The following COL9A2 variants were observed in gnomAD, a reference collection of about 807,000 sequenced individuals.
The protein encoded by COL9A2 is collagen type IX alpha 2 chain, also known as collagen alpha-2(IX) chain.
Under a neutral mutation model 111.6 loss-of-function variants are expected in COL9A2, and 66 were observed. That is an observed-to-expected ratio of 0.59 (90% CI 0.48 to 0.73). COL9A2 has a LOEUF of 0.73. COL9A2 is among the 30% of genes least tolerant of loss of function. The pLI is 0.00. For missense variants in COL9A2, 881 were observed against 954.1 expected (o/e 0.92, Z 1.01); for synonymous variants, 353 against 364.1 (o/e 0.97, Z 0.35).
Position 40,301,824 on chromosome 1 carries a change from G to A in COL9A2, c.1858C>T (p.Pro620Ser), listed in dbSNP as rs759578875. 47 of 1,613,974 alleles carry A rather than the reference G, an allele frequency of 2.9e-5. No homozygotes were observed. Among genetic ancestry groups the A allele is most frequent in the Non-Finnish European group, 3.6e-5 (43 of 1,179,984 alleles). ...GRGHPGMPGP[P>S]GIPGLPGRPG... The stretch of plus-strand genomic sequence containing the variant: ...GCCAATGGCTTACCTGGGATCCCTG[G>A]GGGCCCAGGCATCCCGGGGTGCCCC... Residue 620 changes from proline to serine, a missense_variant, in exon 31 of 32, where the codon CCA (proline) becomes TCA (serine). Transcript: ENST00000372748.
Position 40,304,892 on chromosome 1 carries a change from C to T in COL9A2, c.1108-45G>A, listed in dbSNP as rs371161703. 377 of 1,522,116 alleles carry T rather than the reference C, an allele frequency of 2.5e-4. 1 individual carries two copies. In the African/African-American group the frequency reaches 4.4e-3, roughly 18 times the overall value. The allele number at this position is 1,522,116 out of a possible 1,614,324, so 94.3% of individuals were successfully genotyped here. ...GGGCTAAGCGTTTGACCTGGTGGAA[C>T]CCACCCTTCCACACCTGGCCAGCCC... is the stretch of plus-strand genomic sequence containing the variant. On this transcript the variant is annotated intron_variant, in intron 21 of 31. Transcript: ENST00000372748.
Position 40,303,702 on chromosome 1 carries a change from G to A in COL9A2, c.1402-26C>T. The A allele has an allele frequency of 6.5e-7, 1 of 1,546,384 alleles. No homozygotes were observed. Among genetic ancestry groups the A allele is most frequent in the South Asian group, 1.2e-5 (1 of 84,026 alleles). The stretch of plus-strand genomic sequence containing the variant: ...CTGCGGGGGGATGGGGGTGGGAGCA[G>A]AGCCGGGTGAGAAGGCGCCCGGGTG... On this transcript the variant is annotated intron_variant, in intron 27 of 31. Coordinates refer to ENST00000372748, the MANE Select transcript of COL9A2 (RefSeq NM_001852.4). The surrounding 1 kb of genome is among the most constrained non-coding windows in gnomAD (Gnocchi z 4.6).
In COL9A2 at chr1:40,310,941, C is replaced by T. The variant is rs548326590; in HGVS notation, c.630+152G>A. ...CCAAGCAAGGAGACATGACCAGAGA[C>T]ATGCCGACCTGGAGCACAGGCCTCC... is the stretch of plus-strand genomic sequence containing the variant. On this transcript the variant is annotated intron_variant, in intron 12 of 31. Transcript: ENST00000372748. The surrounding 1 kb of genome is among the most constrained non-coding windows in gnomAD (Gnocchi z 4.9). 3.4e-5 allele frequency: 39 copies of T among 1,146,690 alleles called. No homozygotes were observed. In the African/African-American group the frequency reaches 5.3e-4, roughly 16 times the overall value. The allele number at this position is 1,146,690 out of a possible 1,614,324, so 71.0% of individuals were successfully genotyped here. A position where few individuals can be genotyped will look rare whatever the true frequency, so the allele number is the denominator to read the frequency against.
rs767738040 is a variant in COL9A2 at position 40,309,968 on chromosome 1, C to T, written c.816G>A (p.Pro272=). 26 of 1,613,960 alleles carry T rather than the reference C, an allele frequency of 1.6e-5. No individual in the cohort carries two copies. In the Middle Eastern group the frequency reaches 6.6e-4, roughly 41 times the overall value. ...GPPGEEGPRG[P]PGRAGEKGDE... ...CACCCTTCTCCCCAGCTCGGCCTGG[C>T]GGTCCCCTAGGACCTTCCTCACCCT... The change falls in exon 16 of 32, where the codon CCG becomes CCA. Residue 272 remains proline (P), a synonymous_variant. Transcript: ENST00000372748.
rs879263524 is a variant in COL9A2, at chr1:40,302,213, G to A, written c.1793-324C>T. The stretch of plus-strand genomic sequence containing the variant: ...ACATGATGAGGTTGGTACTTTCAGT[G>A]TCCCCATTTTACAGATAGTAAACCT... On this transcript the variant is annotated intron_variant, in intron 30 of 31. Coordinates refer to ENST00000372748, the MANE Select transcript of COL9A2 (RefSeq NM_001852.4). The surrounding 1 kb of genome is among the most constrained non-coding windows in gnomAD (Gnocchi z 4.5). 9.2e-5 allele frequency among the ~76,000 whole-genome samples: 14 copies of A among 152,112 alleles called. No homozygotes were observed. Among genetic ancestry groups the A allele is most frequent in the Non-Finnish European group, 1.8e-4 (12 of 68,024 alleles).
In COL9A2 at chr1:40,304,776, A is replaced by G. The variant is rs140269190; in HGVS notation, c.1161+18T>C. ...CCGCAGAGGCCCCCGGGGAGGGGCC[A>G]TTGTGCCAGGCACTTACCTTCTGTC... On this transcript the variant is annotated intron_variant, in intron 22 of 31. Coordinates refer to ENST00000372748, the MANE Select transcript of COL9A2 (RefSeq NM_001852.4). 3.8e-5 allele frequency: 59 copies of G among 1,548,820 alleles called. No homozygotes were observed. The African/African-American group carries it at 6.6e-4, about 17-fold the overall frequency.
Position 40,303,213 on chromosome 1 carries a change from GC to G in COL9A2, c.1549-29del. On this transcript the variant is annotated intron_variant, in intron 28 of 31. Transcript: ENST00000372748. This position sits in a 1 kb window ranked among gnomAD's most constrained non-coding sequence, Gnocchi z 4.6. ...GAAAGCAGAGGCCTTTCAGGAAGAA[GC>G]CCCTGGCTACAAGGGCCCACCGCTC... The G allele has an allele frequency of 6.2e-7, 1 of 1,602,290 alleles. No homozygotes were observed. Among genetic ancestry groups the G allele is most frequent in the Non-Finnish European group, 8.5e-7 (1 of 1,173,590 alleles).
rs1299599705 is a variant in COL9A2 at position 40,301,881 on chromosome 1, C to T, written c.1801G>A (p.Gly601Arg). 1 of 1,614,050 alleles carries T rather than the reference C, an allele frequency of 6.2e-7. No individual in the cohort carries two copies. Among genetic ancestry groups the T allele is most frequent in the Non-Finnish European group, 8.5e-7 (1 of 1,179,960 alleles). The stretch of plus-strand genomic sequence containing the variant: ...ACTTCTCCTGGATCACCCTTCTCTC[C>T]ACGTTTTCCTGTAGACAAAAAAGGA... Reference protein sequence around the residue: ...IGNTGPKGKRGEKGDPGEVGR... With the variant: ...IGNTGPKGKRREKGDPGEVGR... The change falls in exon 31 of 32, where the codon GGA becomes AGA. Residue 601 changes from glycine to arginine, a missense_variant. By Grantham distance (125) the Gly-to-Arg change is moderately radical (BLOSUM62 -2). Transcript: ENST00000372748.
At chr1:40,309,861 A>T in intron 16 of COL9A2, 77 bp downstream of exon 16, 1 of 1,451,562 alleles carries the variant, frequency 6.9e-7, no homozygotes, top group Non-Finnish European at 9.7e-7. Context: ...TCTCACACAC[A>T]CAGCCTTAGG....
intron 22 of COL9A2, 70 bp from the exon 23 acceptor site, chr1:40,304,599 G>T: frequency 6.4e-7 from 1 of 1,569,452 alleles, no homozygotes; most frequent in Non-Finnish European, 8.7e-7. Flanking sequence ...CCGAGGCCTG[G>T]CACCGCATGG....
chr1:40,309,849 ACT>A (rs1278132335), intron 16 of COL9A2, 87 bp downstream of exon 16: 10 of 1,268,194 alleles, frequency 7.9e-6, no homozygotes, highest in East Asian at 4.6e-5. Context: ...ACACTCATGC[ACT>A]CTCACACACA....
At position 40,303,912 on chromosome 1, in the gene COL9A2, T is replaced by C. The variant is rs6684531; in HGVS notation, c.1368+16A>G. The C allele has an allele frequency of 0.03, 46,432 of 1,551,628 alleles. 1,730 individuals carry two copies. The highest frequency in any genetic ancestry group is 0.18 in the African/African-American group (13,404 of 73,206). On this transcript the variant is annotated intron_variant, in intron 26 of 31. Transcript: ENST00000372748. This position sits in a 1 kb window ranked among gnomAD's most constrained non-coding sequence, Gnocchi z 4.6. ...CCAGCCGCCGCTCCCCGCCCTTCCC[T>C]AGGCCGCGCGCTCACCTTCTCGCCT...
chr1:40,310,344 T>C lies in COL9A2; in HGVS notation c.685-27A>G. ...TGTTGAGAAAGAAAAATGACAGCAA[T>C]GGCAATTGCAAGGCCCACTTCATGA... On this transcript the variant is annotated intron_variant, in intron 13 of 31. Transcript: ENST00000372748. This position sits in a 1 kb window ranked among gnomAD's most constrained non-coding sequence, Gnocchi z 4.9. The C allele has an allele frequency of 6.2e-7, 1 of 1,612,876 alleles. No homozygotes were observed. Among genetic ancestry groups the C allele is most frequent in the Non-Finnish European group, 8.5e-7 (1 of 1,179,228 alleles).
Position 40,316,786 on chromosome 1 carries a change from C to A in COL9A2, c.75+337G>T, listed in dbSNP as rs997110815. ...TGGGAGGCGGCGGGGGCGGAGGCTG[C>A]GCAGCGGGTGAATGAGCACCATTGT... On this transcript the variant is annotated intron_variant, in intron 1 of 31. Coordinates refer to ENST00000372748, the MANE Select transcript of COL9A2 (RefSeq NM_001852.4). The surrounding 1 kb of genome is among the most constrained non-coding windows in gnomAD (Gnocchi z 5.5). 3.1e-5 allele frequency: 12 copies of A among 392,462 alleles called. No individual in the cohort carries two copies. The East Asian group carries it at 4.0e-4, about 13-fold the overall frequency. The allele number at this position is 392,462 out of a possible 1,614,324, so 24.3% of individuals were successfully genotyped here. A position where few individuals can be genotyped will look rare whatever the true frequency, so the allele number is the denominator to read the frequency against.
chr1:40,301,966 A>G (rs1643921546), intron 30 of COL9A2, 77 bp from the exon 31 acceptor site: 3 of 1,405,118 alleles, frequency 2.1e-6, no homozygotes, highest in Admixed American at 1.9e-5. Context: ...TGTTTCACGC[A>G]AAGAAATTAT....
At chr1:40,305,599 T>G in intron 21 of COL9A2, 116 bp downstream of exon 21, 1 of 970,740 alleles carries the variant, frequency 1.0e-6, no homozygotes. Context: ...AGAGCTTCCC[T>G]GAATCATTGG....
At chr1:40,301,772 C>T in intron 31 of COL9A2, 40 bp downstream of exon 31, 1 of 1,591,904 alleles carries the variant, frequency 6.3e-7, no homozygotes, top group South Asian at 1.1e-5. Context: ...AATTCCCAAG[C>T]TGAGGAACAC....
chr1:40,302,629 C>A lies in COL9A2; in HGVS notation c.1784G>T (p.Gly595Val). 1 of 1,600,772 alleles carries A rather than the reference C, an allele frequency of 6.2e-7. No individual in the cohort carries two copies. Residue 595 changes from glycine (G) to valine (V), a missense_variant, in exon 30 of 32, where the codon GGG (glycine) becomes GTG (valine). Coordinates refer to ENST00000372748, the MANE Select transcript of COL9A2 (RefSeq NM_001852.4). The surrounding 1 kb of genome is among the most constrained non-coding windows in gnomAD (Gnocchi z 4.5). ...CGCAGAGGAGCACTCACCCTTGGGC[C>A]CCGTGTTGCCGATCTGACCCACGGC... is the stretch of plus-strand genomic sequence containing the variant. ...VGAVGQIGNT[G>V]PKGKRGEKGD... is the part of the protein sequence containing the mutation.
Position 40,311,792 on chromosome 1 carries a change from G to C in COL9A2, c.418-77C>G. 1 of 1,424,204 alleles carries C rather than the reference G, an allele frequency of 7.0e-7. No homozygotes were observed. Among genetic ancestry groups the C allele is most frequent in the South Asian group, 1.1e-5 (1 of 87,134 alleles). 88.2% of individuals were successfully genotyped at this position (1,424,204 alleles called of 1,614,324 possible). A position where few individuals can be genotyped will look rare whatever the true frequency, so the allele number is the denominator to read the frequency against. ...ACCCTAGTGCCCTCCTCCAGGTCCT[G>C]CCTCTGCCCTCTCCACCCTGTCTTC... is the stretch of plus-strand genomic sequence containing the variant. On this transcript the variant is annotated intron_variant, in intron 8 of 31. Coordinates refer to ENST00000372748, the MANE Select transcript of COL9A2 (RefSeq NM_001852.4). This position sits in a 1 kb window ranked among gnomAD's most constrained non-coding sequence, Gnocchi z 5.1.
Sources: gnomAD v4.1 joint callset for allele counts (sites outside exome capture counted in the v4.1 genomes callset) on GRCh38, gnomAD v4.1.1 for gene constraint, Gnocchi (gnomAD v3.1) non-coding constraint, MANE v1.5 for transcripts, NCBI Gene and HGNC (gene_info 2026-07-23, HGNC 2026-07-21) for gene names.